Variants in ARPC1B observed in about 807,000 individuals in gnomAD.
The protein encoded by ARPC1B is actin related protein 2/3 complex subunit 1B, also known as actin-related protein 2/3 complex subunit 1B.
ARPC1B carries 29 observed loss-of-function variants against 46.0 expected under a neutral mutation model. The observed-to-expected ratio is 0.63, with a 90% CI of 0.47 to 0.86. ARPC1B has a LOEUF of 0.86. Ranked by LOEUF, ARPC1B falls within the 40% of genes least tolerant of loss-of-function variation. The pLI is 0.00. For synonymous variants in ARPC1B, 201 were observed against 213.9 expected, an observed-to-expected ratio of 0.94 and a Z score of 0.53; for missense variants, 469 against 529.4, an observed-to-expected ratio of 0.89 and a Z score of 1.12.
intron 7 of ARPC1B, among the ~76,000 whole-genome samples, chr7:99,391,775 G>A (rs1794579318): frequency 6.6e-6 from 1 of 150,932 alleles, no homozygotes. Context: ...AAAAGAGCCA[G>A]GCCCGGTGGC....
Position 99,391,059 on chromosome 7 carries a change from G to A in ARPC1B, c.667G>A (p.Asp223Asn), listed in dbSNP as rs755396037. The change falls in exon 6 of 10, where the codon GAC (aspartate) becomes AAC (asparagine). Residue 223 changes from aspartate (D) to asparagine (N), a missense_variant. Asp to Asn is a conservative substitution (Grantham distance 23). Coordinates refer to ENST00000646101, the MANE Select transcript of ARPC1B (RefSeq NM_005720.4). ...GAGCCGCGTGGCCTGGGTAAGCCAC[G>A]ACAGCACCGTCTGCCTGGCTGATGC... ...SGSRVAWVSHDSTVCLADADK... is the reference protein window; with the variant it reads ...SGSRVAWVSHNSTVCLADADK... 6.2e-6 allele frequency: 10 copies of A among 1,613,804 alleles called. No homozygotes were observed. In the African/African-American group the frequency reaches 6.7e-5, roughly 11 times the overall value.
At chr7:99,378,666 G>A (rs1299071530) in intron 1 of ARPC1B, among the ~76,000 whole-genome samples, 2 of 150,980 alleles carry the variant, frequency 1.3e-5, no homozygotes, top group Admixed American at 1.3e-4. Flanking sequence ...CTGGGCGACA[G>A]AATGAGACTA....
In ARPC1B at chr7:99,394,699, A is replaced by G. The variant is rs909061871; in HGVS notation, c.*210A>G. ...TTTTCTTAAATGCTTTCATTTATTG[A>G]AAAAAAAAAAAAATGCCCCCAAAGC... is the stretch of plus-strand genomic sequence containing the variant. On this transcript the variant is annotated 3_prime_UTR_variant, in exon 10 of 10. Transcript: ENST00000646101. 23 of 174,976 alleles carry G rather than the reference A, an allele frequency of 1.3e-4. No individual in the cohort carries two copies. The highest frequency in any genetic ancestry group is 1.8e-3 in the Middle Eastern group (1 of 544). 10.8% of individuals were successfully genotyped at this position (174,976 alleles called of 1,614,324 possible).
chr7:99,380,304 A>G (rs1794171519), intron 1 of ARPC1B, among the ~76,000 whole-genome samples: 1 of 150,980 alleles, frequency 6.6e-6, no homozygotes, highest in Non-Finnish European at 1.5e-5. Context: ...CCACTTCCTC[A>G]CTGGTAAGAT....
intron 8 of ARPC1B, among the ~76,000 whole-genome samples, chr7:99,393,111 C>T (rs1411663960): frequency 6.6e-6 from 1 of 152,102 alleles, no homozygotes; most frequent in Non-Finnish European, 1.5e-5. Flanking sequence ...GGCCTTGGCG[C>T]CGTACTAAAA....
At chr7:99,391,752 C>CA (rs36070836) in intron 7 of ARPC1B, among the ~76,000 whole-genome samples, 1,554 of 115,668 alleles carry the variant, frequency 0.013, 15 homozygotes, top group Middle Eastern at 0.056. Flanking sequence ...AAACCTGTCT[C>CA]AAAAAAAAAA....
intron 1 of ARPC1B, among the ~76,000 whole-genome samples, chr7:99,384,958 T>TC (rs1166361441): frequency 1.7e-4 from 19 of 114,210 alleles, no homozygotes; most frequent in Non-Finnish European, 3.5e-4. Flanking sequence ...TGGCTAATTT[T>TC]TTTTTTTTTT....
chr7:99,382,786 ATTAT>A (rs1272655439), intron 1 of ARPC1B, among the ~76,000 whole-genome samples: 13 of 143,310 alleles, frequency 9.1e-5, no homozygotes, highest in South Asian at 2.2e-4. Context: ...ATTTAATAAA[ATTAT>A]TTATTTATTT....
In ARPC1B at chr7:99,389,921, A is replaced by G. The variant is rs1232123795; in HGVS notation, c.409A>G (p.Ile137Val). 2 of 1,614,096 alleles carry G rather than the reference A, an allele frequency of 1.2e-6. No homozygotes were observed. Among genetic ancestry groups the G allele is most frequent in the Non-Finnish European group, 1.7e-6 (2 of 1,179,988 alleles). The change falls in exon 5 of 10, where the codon ATC becomes GTC. Residue 137 changes from isoleucine to valine, a missense_variant. Ile to Val is a conservative substitution (Grantham distance 29). Transcript: ENST00000646101. Reference sequence around the variant, plus strand: ...CGTTCCCAGGTGGGTTTGCAAGCACATCAAGAAGCCCATCCGCTCCACCGT... The same window carrying G: ...CGTTCCCAGGTGGGTTTGCAAGCACGTCAAGAAGCCCATCCGCTCCACCGT... ...QENDWWVCKHIKKPIRSTVLS... is the reference protein window; with the variant it reads ...QENDWWVCKHVKKPIRSTVLS...
chr7:99,393,011 G>C, intron 8 of ARPC1B, 135 bp downstream of exon 8: 3 of 988,044 alleles, frequency 3.0e-6, no homozygotes, highest in Non-Finnish European at 4.3e-6. Flanking sequence ...CCCGGAGGGA[G>C]GGTAGGCGTG....
At chr7:99,394,001 A>G (rs372825130) in intron 8 of ARPC1B, 28 bp from the exon 9 acceptor site, 20 of 1,609,944 alleles carry the variant, frequency 1.2e-5, no homozygotes, top group Middle Eastern at 3.3e-4. Context: ...CACAGGTTGA[A>G]TTCATAAGCT....
intron 2 of ARPC1B, 181 bp from the exon 3 acceptor site, chr7:99,386,494 ACAGCCAGTTC>A: frequency 1.5e-6 from 1 of 684,560 alleles, no homozygotes. Context: ...CGAGTAAAGG[ACAGCCAGTTC>A]CAGGAGAAGA....
rs574750983 is a variant in ARPC1B, at chr7:99,387,717, G to A, written c.170-322G>A. On this transcript the variant is annotated intron_variant, in intron 3 of 9. Coordinates refer to ENST00000646101, the MANE Select transcript of ARPC1B (RefSeq NM_005720.4). ...GTGCCAGTGCACTCCAGCTTGGGCG[G>A]CTGAGCGAGACTCTGTCTCAAAAAA... is the stretch of plus-strand genomic sequence containing the variant. Among the ~76,000 whole-genome samples the A allele has an allele frequency of 3.3e-3, 481 of 146,366 alleles. 2 individuals carry two copies. The highest frequency in any genetic ancestry group is 0.012 in the African/African-American group (454 of 38,920).
At chr7:99,379,684 G>A (rs1794151449) in intron 1 of ARPC1B, among the ~76,000 whole-genome samples, 1 of 152,132 alleles carries the variant, frequency 6.6e-6, no homozygotes. Context: ...CAGCTAGAAT[G>A]TAAACCCAGC....
intron 1 of ARPC1B, among the ~76,000 whole-genome samples, chr7:99,375,455 GC>G (rs1021262847): frequency 1.3e-5 from 2 of 152,198 alleles, no homozygotes; most frequent in African/African-American, 4.8e-5. Flanking sequence ...GGGCTCCGCG[GC>G]CAGGGCAGAT....
intron 1 of ARPC1B, among the ~76,000 whole-genome samples, chr7:99,383,037 C>A (rs1208147163): frequency 6.6e-6 from 1 of 151,580 alleles, no homozygotes; most frequent in Non-Finnish European, 1.5e-5. Context: ...TAGAGACAGT[C>A]TTTCACCATG....
rs528965613 is a variant in ARPC1B at position 99,394,355 on chromosome 7, C to G, written c.1081-96C>G. The G allele has an allele frequency of 1.2e-5, 14 of 1,215,890 alleles. 1 individual carries two copies. The East Asian group carries it at 1.2e-4, about 10-fold the overall frequency. The allele number at this position is 1,215,890 out of a possible 1,614,324, so 75.3% of individuals were successfully genotyped here. A position where few individuals can be genotyped will look rare whatever the true frequency, so the allele number is the denominator to read the frequency against. On this transcript the variant is annotated intron_variant, in intron 9 of 9. Transcript: ENST00000646101. Reference sequence around the variant, plus strand: ...TCCAAAACTGCAGGTTCTCTGCCCTCTGCTGTGCTGGGGCTGAGATGGGTG... The same window carrying G: ...TCCAAAACTGCAGGTTCTCTGCCCTGTGCTGTGCTGGGGCTGAGATGGGTG...
intron 3 of ARPC1B, 109 bp downstream of exon 3, chr7:99,386,898 GA>G: frequency 1.2e-6 from 1 of 817,876 alleles, no homozygotes; most frequent in Admixed American, 2.3e-5. Flanking sequence ...CACTCACCGT[GA>G]AACCCGGATT....
At chr7:99,391,503 G>T (rs960529271) in intron 7 of ARPC1B, among the ~76,000 whole-genome samples, 2 of 152,150 alleles carry the variant, frequency 1.3e-5, no homozygotes, top group African/African-American at 4.8e-5. Context: ...CCAGCACTTT[G>T]CGAGGTTGAG....
Sources: gnomAD v4.1 joint callset for allele counts (sites outside exome capture counted in the v4.1 genomes callset) on GRCh38, gnomAD v4.1.1 for gene constraint, MANE v1.5 for transcripts, NCBI Gene and HGNC (gene_info 2026-07-23, HGNC 2026-07-21) for gene names.